The following PLCG2 variants were observed in gnomAD, a reference collection of about 807,000 sequenced individuals.
PLCG2 encodes 1-phosphatidylinositol 4,5-bisphosphate phosphodiesterase gamma-2.
A neutral mutation model predicts 175.6 loss-of-function variants in PLCG2; 69 were observed. The observed-to-expected ratio is 0.39, with a 90% CI of 0.32 to 0.48. PLCG2 has a LOEUF of 0.48. Ranked by LOEUF, PLCG2 falls within the 20% of genes least tolerant of loss-of-function variation. The pLI is 0.91. For synonymous variants in PLCG2, 827 were observed against 624.0 expected (o/e 1.33, Z -4.85); for missense variants, 1,798 against 1,650.9 (o/e 1.09, Z -1.54).
chr16:81,804,008 C>A (rs976440883), intron 2 of PLCG2, among the ~76,000 whole-genome samples: 1 of 152,168 alleles, frequency 6.6e-6, no homozygotes, highest in Non-Finnish European at 1.5e-5. Context: ...AATAATACTG[C>A]GGTGGACATT....
chr16:81,880,836 A>C, intron 7 of PLCG2, 74 bp from the exon 8 acceptor site: 1 of 1,400,084 alleles, frequency 7.1e-7, no homozygotes, highest in East Asian at 2.3e-5. Context: ...CTTTTTTAAC[A>C]ACAAAAATCT....
intron 13 of PLCG2, 26 bp from the exon 14 acceptor site, chr16:81,900,586 A>T (rs751015553): frequency 5.1e-6 from 8 of 1,571,644 alleles, no homozygotes; most frequent in Non-Finnish European, 7.0e-6. Context: ...CCCCCTGCCG[A>T]GCTGCCCACC....
intron 9 of PLCG2, among the ~76,000 whole-genome samples, chr16:81,888,928 C>T (rs979841285): frequency 1.1e-4 from 16 of 152,106 alleles, no homozygotes; most frequent in Admixed American, 1.0e-3. Context: ...TGAGTGGTTG[C>T]GACAGACACC....
chr16:81,933,102 G>T lies in PLCG2; in HGVS notation c.2740-1327G>T, dbSNP rs117542781. Among the ~76,000 whole-genome samples, 296 of 152,354 alleles carry T rather than the reference G, an allele frequency of 1.9e-3. 1 individual carries two copies. Among genetic ancestry groups the T allele is most frequent in the Non-Finnish European group, 3.0e-3 (202 of 68,034 alleles). ...ACACCTCCTCTCCTGCCGCGTGAAGGTTCCTGAAATGAAGCTGAGCTGTTC... is the reference window on the plus strand; with the variant it reads ...ACACCTCCTCTCCTGCCGCGTGAAGTTTCCTGAAATGAAGCTGAGCTGTTC... On this transcript the variant is annotated intron_variant, in intron 25 of 32. Coordinates refer to ENST00000564138, the MANE Select transcript of PLCG2 (RefSeq NM_002661.5).
intron 5 of PLCG2, among the ~76,000 whole-genome samples, chr16:81,867,483 G>A (rs930689876): frequency 6.6e-6 from 1 of 152,086 alleles, no homozygotes; most frequent in Admixed American, 6.5e-5. Context: ...CAAACTGATC[G>A]GTGCCTCAGT....
At chr16:81,901,286 C>G (rs1170967836) in intron 14 of PLCG2, among the ~76,000 whole-genome samples, 1 of 152,220 alleles carries the variant, frequency 6.6e-6, no homozygotes, top group Non-Finnish European at 1.5e-5. Flanking sequence ...GTTCCCAGCA[C>G]TGCAGGGGAG....
intron 2 of PLCG2, among the ~76,000 whole-genome samples, chr16:81,756,852 T>C (rs1909939449): frequency 6.6e-6 from 1 of 152,154 alleles, no homozygotes; most frequent in Non-Finnish European, 1.5e-5. Context: ...AGCAGTTTGT[T>C]CCGAGTCTGA....
intron 30 of PLCG2, among the ~76,000 whole-genome samples, chr16:81,945,582 G>A (rs574858051): frequency 7.9e-5 from 12 of 152,200 alleles, no homozygotes; most frequent in Non-Finnish European, 1.8e-4. Flanking sequence ...GAATGGGGGT[G>A]GGGGAGATTC....
In PLCG2 at chr16:81,943,021, G is replaced by C. The variant is rs558004945; in HGVS notation, c.3481+2962G>C. On this transcript the variant is annotated intron_variant, in intron 30 of 32. Coordinates refer to ENST00000564138, the MANE Select transcript of PLCG2 (RefSeq NM_002661.5). ...CTGGAGACAGCTGGTCATGAGGGCA[G>C]AGCTCATGTCTCCGATTTAAGAGGC... Among the ~76,000 whole-genome samples, 10 of 152,240 alleles carry C rather than the reference G, an allele frequency of 6.6e-5. No homozygotes were observed. The East Asian group carries it at 1.9e-3, about 29-fold the overall frequency.
chr16:81,957,083 G>A (rs953452274), intron 32 of PLCG2, among the ~76,000 whole-genome samples: 1 of 152,126 alleles, frequency 6.6e-6, no homozygotes, highest in Non-Finnish European at 1.5e-5. Flanking sequence ...TGGATCACCT[G>A]AGGTCAGGAG....
At chr16:81,800,702 C>T (rs1911680919) in intron 2 of PLCG2, among the ~76,000 whole-genome samples, 1 of 151,898 alleles carries the variant, frequency 6.6e-6, no homozygotes, top group African/African-American at 2.4e-5. Context: ...TTATTTCCAA[C>T]CCTCTATGAT....
intron 2 of PLCG2, among the ~76,000 whole-genome samples, chr16:81,831,307 G>T (rs182276717): frequency 6.6e-6 from 1 of 152,176 alleles, no homozygotes; most frequent in Non-Finnish European, 1.5e-5. Context: ...TGCCTGGCAC[G>T]CTGGCTTTTA....
chr16:81,755,026 A>C (rs993458884), intron 1 of PLCG2, among the ~76,000 whole-genome samples: 2 of 152,050 alleles, frequency 1.3e-5, no homozygotes, highest in African/African-American at 4.8e-5. Context: ...CCATTGCCTG[A>C]TCTGTCAAAT....
intron 17 of PLCG2, among the ~76,000 whole-genome samples, 159 bp downstream of exon 17, chr16:81,908,750 G>A (rs1909489630): frequency 6.6e-6 from 1 of 152,168 alleles, no homozygotes; most frequent in Admixed American, 6.5e-5. Flanking sequence ...AGGGTGAGGT[G>A]GGTATGACTC....
At chr16:81,872,538 A>G (rs963704360) in intron 7 of PLCG2, among the ~76,000 whole-genome samples, 2 of 152,210 alleles carry the variant, frequency 1.3e-5, no homozygotes, top group African/African-American at 4.8e-5. Flanking sequence ...TTACCTTTGC[A>G]ATAAAAAGTT....
intron 1 of PLCG2, chr16:81,783,070 C>G (rs1567461261): frequency 2.2e-6 from 1 of 462,012 alleles, no homozygotes; most frequent in East Asian, 6.5e-5. Flanking sequence ...GTCCAAGGCC[C>G]TCCCAGAGTG....
At chr16:81,889,002 T>C (rs1055770350) in intron 9 of PLCG2, among the ~76,000 whole-genome samples, 170 bp from the exon 10 acceptor site, 11 of 152,072 alleles carry the variant, frequency 7.2e-5, no homozygotes, top group Admixed American at 5.9e-4. Context: ...TGCTGACCCC[T>C]GGCAGAGGGC....
intron 5 of PLCG2, among the ~76,000 whole-genome samples, chr16:81,861,533 C>T (rs532884350): frequency 2.0e-5 from 3 of 152,378 alleles, no homozygotes; most frequent in South Asian, 4.1e-4. Flanking sequence ...CCGTCCTCTT[C>T]TTCTCATCCA....
chr16:81,744,228 A>C (rs12448146), intron 1 of PLCG2, among the ~76,000 whole-genome samples: 91,106 of 144,344 alleles, frequency 0.63, 28,410 homozygotes, highest in African/African-American at 0.65. Flanking sequence ...TGTGCAGTGG[A>C]GTGATTTTGG....
Sources: gnomAD v4.1 joint callset for allele counts (sites outside exome capture counted in the v4.1 genomes callset) on GRCh38, gnomAD v4.1.1 for gene constraint, MANE v1.5 for transcripts, NCBI Gene and HGNC (gene_info 2026-07-23, HGNC 2026-07-21) for gene names.